The following STK11IP variants were observed in gnomAD, a reference collection of about 807,000 sequenced individuals.
STK11IP encodes serine/threonine-protein kinase 11-interacting protein.
A neutral mutation model predicts 131.7 loss-of-function variants in STK11IP; 103 were observed. That is an observed-to-expected ratio of 0.78 (90% CI 0.67 to 0.92). STK11IP has a LOEUF of 0.92. Ranked by LOEUF, STK11IP falls within the 40% of genes least tolerant of loss-of-function variation. The probability of loss-of-function intolerance (pLI) is 0.00; values close to 1 mark genes in which losing one functional copy is unlikely to be tolerated. For missense variants in STK11IP, 1,315 were observed against 1,385.7 expected (o/e 0.95, Z 0.81); for synonymous variants, 557 against 575.6 (o/e 0.97, Z 0.46).
At chr2:219,612,085 C>G (rs377309143) in intron 19 of STK11IP, 27 bp downstream of exon 19, 3 of 1,567,590 alleles carry the variant, frequency 1.9e-6, no homozygotes, top group South Asian at 2.3e-5. Context: ...ACTGCCCATG[C>G]CCCCAGCTGT....
rs1698260496 is a variant in STK11IP at position 219,608,200 on chromosome 2, C to T, written c.1373C>T (p.Ala458Val). The change falls in exon 14 of 25, where the codon GCC becomes GTC. Residue 458 changes from alanine (A) to valine (V), a missense_variant. By Grantham distance (64) the Ala-to-Val change is moderately conservative (BLOSUM62 0). Transcript: ENST00000456909. ...PTTSAPSAPP[A>V]SSQGPDTAPR... is the part of the protein sequence containing the mutation. Reference sequence around the variant, plus strand: ...ACTTCTGCACCCAGTGCACCTCCAGCCAGCTCCCAGGGCCCCGACACTGCA... The same window carrying T: ...ACTTCTGCACCCAGTGCACCTCCAGTCAGCTCCCAGGGCCCCGACACTGCA... 7 of 1,613,552 alleles carry T rather than the reference C, an allele frequency of 4.3e-6. No homozygotes were observed. The African/African-American group carries it at 5.3e-5, about 12-fold the overall frequency.
At chr2:219,615,737 C>T in intron 24 of STK11IP, 1 of 653,916 alleles carries the variant, frequency 1.5e-6, no homozygotes, top group Non-Finnish European at 2.9e-6. Flanking sequence ...GGATGTTAAC[C>T]AGTTTGCCCA....
rs1344683660 is a variant in STK11IP at position 219,605,999 on chromosome 2, C to T, written c.789C>T (p.Tyr263=). Residue 263 remains tyrosine, a synonymous_variant, in exon 9 of 25, where the codon TAC becomes TAT. Transcript: ENST00000456909. The part of the protein sequence containing the change: ...LRNLRHLDLA[Y]NLLEGHRELS... ...ATCTGCGGCACCTGGATTTGGCATA[C>T]AACCTGCTGGAAGGACACCGGGAGC... The T allele has an allele frequency of 6.2e-7, 1 of 1,609,738 alleles. No homozygotes were observed. Among genetic ancestry groups the T allele is most frequent in the African/African-American group, 1.3e-5 (1 of 74,996 alleles).
intron 15 of STK11IP, 64 bp from the exon 16 acceptor site, chr2:219,609,033 A>T: frequency 1.6e-6 from 2 of 1,274,136 alleles, no homozygotes; most frequent in Non-Finnish European, 2.2e-6. Flanking sequence ...TGCTCTCAGC[A>T]TCCCCTCATC....
chr2:219,609,134 T>C lies in STK11IP; in HGVS notation c.1847T>C (p.Leu616Pro), dbSNP rs1258895481. The change falls in exon 16 of 25, where the codon CTG becomes CCG. Residue 616 changes from leucine (L) to proline (P), a missense_variant. Physicochemically the swap from Leu to Pro is moderately conservative, Grantham distance 98. Coordinates refer to ENST00000456909, the MANE Select transcript of STK11IP (RefSeq NM_052902.4). ...DLLPGAPILSLRFSYICPDRQ... is the reference protein window; with the variant it reads ...DLLPGAPILSPRFSYICPDRQ... Reference sequence around the variant, plus strand: ...CTCCCTGGAGCCCCCATCCTCAGTCTGCGCTTCTCCTACATCTGCCCTGAC... The same window carrying C: ...CTCCCTGGAGCCCCCATCCTCAGTCCGCGCTTCTCCTACATCTGCCCTGAC... 6.2e-7 allele frequency: 1 copy of C among 1,609,334 alleles called. No individual in the cohort carries two copies. Among genetic ancestry groups the C allele is most frequent in the Non-Finnish European group, 8.5e-7 (1 of 1,178,052 alleles).
rs2106169680 is a variant in STK11IP, at chr2:219,615,266, GCCA to G, written c.3044_3046del (p.Pro1015del). Reference sequence around the variant, plus strand: ...CTGCTGTGCGTGTCAGGGAGCAGCAGCCACTCAGCAGCCTGAGCTCCGTGCTGC... The same window carrying G: ...CTGCTGTGCGTGTCAGGGAGCAGCAGCTCAGCAGCCTGAGCTCCGTGCTGC... On this transcript the variant is annotated inframe_deletion, in exon 24 of 25. Coordinates refer to ENST00000456909, the MANE Select transcript of STK11IP (RefSeq NM_052902.4). The G allele has an allele frequency of 6.3e-7, 1 of 1,599,004 alleles. No individual in the cohort carries two copies. The highest frequency in any genetic ancestry group is 8.5e-7 in the Non-Finnish European group (1 of 1,177,886).
chr2:219,609,656 G>A, intron 17 of STK11IP, 116 bp downstream of exon 17: 4 of 1,225,862 alleles, frequency 3.3e-6, no homozygotes, highest in Non-Finnish European at 4.7e-6. Flanking sequence ...AGAGTGGAGA[G>A]CAGTTGTTCT....
At position 219,608,347 on chromosome 2, in the gene STK11IP, A is replaced by G. The variant is rs1420988942; in HGVS notation, c.1520A>G (p.Lys507Arg). The change falls in exon 14 of 25, where the codon AAG becomes AGG. Residue 507 changes from lysine (K) to arginine (R), a missense_variant. Transcript: ENST00000456909. ...GAGGAGAAGGAGGGGAAGGAGGAGAAGGAGGAGGGGGAGATGGTGGAACAG... is the reference window on the plus strand; with the variant it reads ...GAGGAGAAGGAGGGGAAGGAGGAGAGGGAGGAGGGGGAGATGGTGGAACAG... ...EEEEKEGKEE[K>R]EEGEMVEQGE... The G allele has an allele frequency of 2.5e-6, 4 of 1,588,572 alleles. No individual in the cohort carries two copies. In the East Asian group the frequency reaches 6.9e-5, roughly 27 times the overall value.
chr2:219,604,686 G>A (rs902622264), intron 7 of STK11IP, among the ~76,000 whole-genome samples: 1 of 152,198 alleles, frequency 6.6e-6, no homozygotes, highest in Non-Finnish European at 1.5e-5. Flanking sequence ...TCTTTAGATG[G>A]TGGAATGAGG....
intron 11 of STK11IP, 38 bp from the exon 12 acceptor site, chr2:219,606,674 G>C (rs756414282): frequency 6.3e-7 from 1 of 1,595,856 alleles, no homozygotes; most frequent in African/African-American, 1.3e-5. Flanking sequence ...GTGCTCCCAG[G>C]CTCCAACCTC....
intron 22 of STK11IP, 113 bp from the exon 23 acceptor site, chr2:219,614,363 T>G (rs1284861861): frequency 2.0e-6 from 3 of 1,510,722 alleles, no homozygotes; most frequent in Non-Finnish European, 1.8e-6. Context: ...ATGCCCCTTA[T>G]GGGCCCCTAG....
intron 24 of STK11IP, 29 bp downstream of exon 24, chr2:219,615,370 A>C: frequency 6.3e-7 from 1 of 1,580,438 alleles, no homozygotes; most frequent in Non-Finnish European, 8.6e-7. Flanking sequence ...AGTGAGAGGG[A>C]GGGAGGGGAG....
In STK11IP at chr2:219,613,985, G is replaced by C; in HGVS notation, c.2716+55G>C. Reference sequence around the variant, plus strand: ...TGGGCAGGAGGGTGGGCAGGGCCTTGGGGCCAGGCTCCCCACCTGGTACCC... The same window carrying C: ...TGGGCAGGAGGGTGGGCAGGGCCTTCGGGCCAGGCTCCCCACCTGGTACCC... On this transcript the variant is annotated intron_variant, in intron 21 of 24. Transcript: ENST00000456909. The C allele has an allele frequency of 4.6e-6, 7 of 1,510,996 alleles. No individual in the cohort carries two copies. In the Admixed American group the frequency reaches 8.2e-5, roughly 18 times the overall value. 93.6% of individuals were successfully genotyped at this position (1,510,996 alleles called of 1,614,324 possible).
rs1698426149 is a variant in STK11IP at position 219,612,349 on chromosome 2, CATT to C, written c.2439+297_2439+299del. On this transcript the variant is annotated intron_variant, in intron 19 of 24. Transcript: ENST00000456909. ...GGCACTCATCAATGGGGCCTCCTAG[CATT>C]ATTATAAACACATGATGTCGTTAGG... Among the ~76,000 whole-genome samples the C allele has an allele frequency of 2.0e-5, 3 of 152,314 alleles. No homozygotes were observed. In the South Asian group the frequency reaches 6.2e-4, roughly 32 times the overall value.
intron 7 of STK11IP, among the ~76,000 whole-genome samples, chr2:219,603,805 C>G (rs541014597): frequency 3.2e-4 from 48 of 152,260 alleles, no homozygotes; most frequent in Non-Finnish European, 4.9e-4. Flanking sequence ...CAGGTGTGAG[C>G]CACCGTGCCC....
chr2:219,613,225 G>GGTGAGTGAGAGGGGAGATGCA lies in STK11IP; in HGVS notation c.2537+7_2537+27dup. The GGTGAGTGAGAGGGGAGATGCA allele has an allele frequency of 6.3e-7, 1 of 1,576,002 alleles. No homozygotes were observed. Among genetic ancestry groups the GGTGAGTGAGAGGGGAGATGCA allele is most frequent in the Non-Finnish European group, 8.7e-7 (1 of 1,155,492 alleles). ...CTGTTGAAGGTGACTGGGGAGATGC[G>GGTGAGTGAGAGGGGAGATGCA]GTGAGTGAGAGGGGAGATGCAGTGA... On this transcript the variant is annotated stop_gained and inframe_insertion and splice_region_variant. Coordinates refer to ENST00000456909, the MANE Select transcript of STK11IP (RefSeq NM_052902.4). LOFTEE classifies it high-confidence loss of function.
At chr2:219,605,889 GCAT>G in intron 8 of STK11IP, 64 bp from the exon 9 acceptor site, 1 of 1,486,730 alleles carries the variant, frequency 6.7e-7, no homozygotes, top group Non-Finnish European at 9.2e-7. Context: ...CTCCCCCAGT[GCAT>G]GCACCACACT....
intron 21 of STK11IP, 56 bp downstream of exon 21, chr2:219,613,986 G>A: frequency 1.3e-6 from 2 of 1,512,070 alleles, no homozygotes; most frequent in Non-Finnish European, 1.8e-6. Context: ...CAGGGCCTTG[G>A]GGCCAGGCTC....
rs772073237 is a variant in STK11IP, at chr2:219,601,996, T to C, written c.351T>C (p.Gly117=). 11 of 1,610,444 alleles carry C rather than the reference T, an allele frequency of 6.8e-6. No individual in the cohort carries two copies. Among genetic ancestry groups the C allele is most frequent in the Non-Finnish European group, 9.3e-6 (11 of 1,178,468 alleles). Residue 117 remains glycine, a synonymous_variant, in exon 5 of 25, where the codon GGT becomes GGC. Coordinates refer to ENST00000456909, the MANE Select transcript of STK11IP (RefSeq NM_052902.4). The part of the protein sequence containing the change: ...FKSLRHLELR[G]VPLHCLHGLR... ...CTCTTTCCTTGTCCCAGCTCCGAGG[T>C]GTTCCCCTCCACTGTCTGCATGGCC...
Sources: gnomAD v4.1 joint callset for allele counts (sites outside exome capture counted in the v4.1 genomes callset) on GRCh38, gnomAD v4.1.1 for gene constraint, MANE v1.5 for transcripts, NCBI Gene and HGNC (gene_info 2026-07-23, HGNC 2026-07-21) for gene names.